The following TBL1XR1 variants were observed in gnomAD, a reference collection of about 807,000 sequenced individuals.
TBL1XR1 encodes the protein F-box-like/WD repeat-containing protein TBL1XR1.
Under a neutral mutation model 66.9 loss-of-function variants are expected in TBL1XR1, and 5 were observed. The ratio of observed to expected loss-of-function variants is 0.07; its 90% CI spans 0.04 to 0.16. The LOEUF (loss-of-function observed/expected upper bound fraction) is 0.16, where lower values mean the gene tolerates loss of function less well. Among genes scored for constraint, TBL1XR1 ranks in the 10% least tolerant of loss-of-function variants. The pLI is 1.00. For missense variants in TBL1XR1, 238 were observed against 623.2 expected (o/e 0.38, Z 6.58); for synonymous variants, 210 against 206.0 (o/e 1.02, Z -0.17).
chr3:177,172,633 A>AAG (rs56803746), intron 1 of TBL1XR1, among the ~76,000 whole-genome samples: 9 of 117,548 alleles, frequency 7.7e-5, no homozygotes, highest in Non-Finnish European at 1.0e-4. Context: ...AGAAAGAGAG[A>AAG]AGAGAGAGAG....
At chr3:177,073,556 G>A (rs569577969) in intron 2 of TBL1XR1, among the ~76,000 whole-genome samples, 4 of 152,264 alleles carry the variant, frequency 2.6e-5, no homozygotes, top group Admixed American at 6.5e-5. Context: ...CTTCTATTTG[G>A]AAAGATTCAA....
intron 1 of TBL1XR1, among the ~76,000 whole-genome samples, chr3:177,151,082 C>T (rs567953243): frequency 1.3e-5 from 2 of 152,248 alleles, no homozygotes; most frequent in South Asian, 4.1e-4. Flanking sequence ...ACATGCTGTT[C>T]AACTCCTTTA....
chr3:177,164,803 A>AT (rs1732632809), intron 1 of TBL1XR1, among the ~76,000 whole-genome samples: 1 of 152,238 alleles, frequency 6.6e-6, no homozygotes, highest in African/African-American at 2.4e-5. Context: ...TTTCAATGAC[A>AT]TTTTTCACAT....
At chr3:177,194,634 G>A (rs1736591648) in intron 1 of TBL1XR1, among the ~76,000 whole-genome samples, 1 of 152,136 alleles carries the variant, frequency 6.6e-6, no homozygotes, top group Non-Finnish European at 1.5e-5. Flanking sequence ...TAATCAACAA[G>A]TTGATGTTCA....
intron 7 of TBL1XR1, among the ~76,000 whole-genome samples, chr3:177,049,309 A>G (rs553027700): frequency 3.2e-4 from 49 of 152,314 alleles, no homozygotes; most frequent in South Asian, 6.2e-4. Context: ...AAATAATCTA[A>G]GAGTTTTGGG....
At chr3:177,165,079 A>C (rs1286753480) in intron 1 of TBL1XR1, among the ~76,000 whole-genome samples, 1 of 152,208 alleles carries the variant, frequency 6.6e-6, no homozygotes, top group African/African-American at 2.4e-5. Flanking sequence ...ACAATAAGAA[A>C]AGGTAAAGAA....
At position 177,108,376 on chromosome 3, in the gene TBL1XR1, A is replaced by C. The variant is rs115117900; in HGVS notation, c.-121-9835T>G. On this transcript the variant is annotated intron_variant, in intron 1 of 15. Coordinates refer to ENST00000457928, the MANE Select transcript of TBL1XR1 (RefSeq NM_024665.7). ...TGCCATCTTTAGAAACTTAAAAGAC[A>C]GTGGGGGTAAGAATGGAAAGAATAA... Among the ~76,000 whole-genome samples the C allele has an allele frequency of 6.0e-3, 907 of 152,280 alleles. 3 individuals are homozygous for C. The highest frequency in any genetic ancestry group is 0.02 in the Middle Eastern group (6 of 294).
intron 2 of TBL1XR1, among the ~76,000 whole-genome samples, chr3:177,090,768 G>A (rs1196738464): frequency 2.6e-5 from 4 of 152,100 alleles, no homozygotes; most frequent in Non-Finnish European, 2.9e-5. Flanking sequence ...CCAAGATCAC[G>A]CCACTGCACT....
At chr3:177,174,701 T>C (rs993957523) in intron 1 of TBL1XR1, among the ~76,000 whole-genome samples, 12 of 152,176 alleles carry the variant, frequency 7.9e-5, no homozygotes, top group African/African-American at 2.9e-4. Context: ...TAGTTTGCAA[T>C]ACTCCAAGAA....
At chr3:177,112,107 A>ATATATATATATATATATATATATAT in intron 1 of TBL1XR1, among the ~76,000 whole-genome samples, 1 of 37,666 alleles carries the variant, frequency 2.7e-5, no homozygotes, top group Non-Finnish European at 4.5e-5. Context: ...ATATATATAT[A>ATATATATATATATATATATATATAT]TTTTTTTTTT....
intron 14 of TBL1XR1, chr3:177,027,430 G>A (rs1713300222): frequency 6.6e-6 from 1 of 152,178 alleles, no homozygotes; most frequent in Non-Finnish European, 1.5e-5. Flanking sequence ...AGCTGCTACT[G>A]AAGAATTAAA....
At chr3:177,086,821 C>G (rs1377115033) in intron 2 of TBL1XR1, 6 of 151,622 alleles carry the variant, frequency 4.0e-5, no homozygotes, top group African/African-American at 2.4e-5. Flanking sequence ...AACCTAACTA[C>G]TAACAACCTA....
intron 1 of TBL1XR1, among the ~76,000 whole-genome samples, chr3:177,131,978 T>C (rs1275749964): frequency 6.6e-6 from 1 of 151,408 alleles, no homozygotes; most frequent in Non-Finnish European, 1.5e-5. Context: ...CTGTCCTGTG[T>C]ACATTCCTGA....
intron 1 of TBL1XR1, among the ~76,000 whole-genome samples, chr3:177,114,097 A>T (rs939502452): frequency 6.6e-6 from 1 of 152,164 alleles, no homozygotes; most frequent in African/African-American, 2.4e-5. Flanking sequence ...AAAATGGCAT[A>T]TTCTTGAAAA....
intron 1 of TBL1XR1, among the ~76,000 whole-genome samples, chr3:177,165,270 C>T (rs1732690199): frequency 6.6e-6 from 1 of 151,978 alleles, no homozygotes. Flanking sequence ...AACACAAAAC[C>T]ATTTATATTA....
At chr3:177,067,527 A>C (rs1276746490) in intron 2 of TBL1XR1, among the ~76,000 whole-genome samples, 1 of 152,208 alleles carries the variant, frequency 6.6e-6, no homozygotes, top group Admixed American at 6.5e-5. Flanking sequence ...AAAAATACAA[A>C]TCAAAATGAT....
At chr3:177,039,295 C>A (rs1354686493) in intron 10 of TBL1XR1, among the ~76,000 whole-genome samples, 2 of 152,136 alleles carry the variant, frequency 1.3e-5, no homozygotes, top group Non-Finnish European at 2.9e-5. Context: ...ATCCTTAGTA[C>A]ACATGGTGAA....
intron 1 of TBL1XR1, among the ~76,000 whole-genome samples, chr3:177,155,201 CAAAG>C (rs1045753954): frequency 2.6e-5 from 4 of 152,044 alleles, no homozygotes; most frequent in South Asian, 2.1e-4. Context: ...GCAAATTAAA[CAAAG>C]AAAGCGCTAA....
At chr3:177,105,091 A>G (rs1724708696) in intron 1 of TBL1XR1, among the ~76,000 whole-genome samples, 1 of 152,230 alleles carries the variant, frequency 6.6e-6, no homozygotes, top group Non-Finnish European at 1.5e-5. Flanking sequence ...ACATGAGAAA[A>G]AGCTTACACT....
Sources: allele counts gnomAD v4.1 joint callset (sites outside exome capture counted in the v4.1 genomes callset), GRCh38; gene constraint gnomAD v4.1.1; transcripts MANE v1.5; gene names NCBI Gene and HGNC (gene_info 2026-07-23, HGNC 2026-07-21).